The following CADM2 variants were observed in gnomAD, a reference collection of about 807,000 sequenced individuals.
CADM2 encodes cell adhesion molecule 2, also known as immunoglobulin superfamily member 4D.
CADM2 carries 12 observed loss-of-function variants against 49.8 expected under a neutral mutation model. That is an observed-to-expected ratio of 0.24 (90% CI 0.15 to 0.39). The LOEUF (loss-of-function observed/expected upper bound fraction) is 0.39, where lower values mean the gene tolerates loss of function less well. CADM2 is among the 10% of genes least tolerant of loss of function. CADM2 has a pLI of 1.00. For synonymous variants in CADM2, 214 were observed against 175.4 expected (o/e 1.22, Z -1.74); for missense variants, 378 against 492.3 (o/e 0.77, Z 2.20).
chr3:85,125,222 G>T (rs368451343), intron 1 of CADM2, among the ~76,000 whole-genome samples: 34 of 152,268 alleles, frequency 2.2e-4, no homozygotes, highest in African/African-American at 7.9e-4. Flanking sequence ...CATTTAGGAG[G>T]AGAACACGGT....
intron 1 of CADM2, among the ~76,000 whole-genome samples, chr3:85,563,411 T>TTTGGGGGG (rs1553742867): frequency 7.0e-6 from 1 of 142,044 alleles, no homozygotes; most frequent in Non-Finnish European, 1.6e-5. Context: ...TGTGTGTGTG[T>TTTGGGGGG]GGGGGGGTGG....
intron 1 of CADM2, among the ~76,000 whole-genome samples, chr3:85,317,691 T>C (rs535010392): frequency 7.9e-5 from 12 of 152,310 alleles, no homozygotes; most frequent in African/African-American, 2.9e-4. Flanking sequence ...TATCCATTCA[T>C]GAGGGCAGAG....
At chr3:85,967,680 G>A (rs1036698121) in intron 8 of CADM2, among the ~76,000 whole-genome samples, 5 of 151,570 alleles carry the variant, frequency 3.3e-5, no homozygotes, top group South Asian at 2.1e-4. Context: ...TAGCTAGGCC[G>A]GAAGATTGCC....
intron 2 of CADM2, chr3:85,800,965 G>T (rs2071989423): frequency 6.6e-6 from 1 of 152,100 alleles, no homozygotes; most frequent in African/African-American, 2.4e-5. Context: ...AAGAAGAAAA[G>T]GAAATATATT....
chr3:85,943,058 T>G (rs1443019975), intron 7 of CADM2, among the ~76,000 whole-genome samples: 2 of 152,136 alleles, frequency 1.3e-5, no homozygotes, highest in Non-Finnish European at 2.9e-5. Flanking sequence ...CTCATTGTAG[T>G]TTTGATTTGC....
chr3:85,030,803 C>T (rs1038232791), intron 1 of CADM2, among the ~76,000 whole-genome samples: 8 of 152,146 alleles, frequency 5.3e-5, no homozygotes, highest in Non-Finnish European at 4.4e-5. Context: ...TTTTCTGAAA[C>T]TCTTTCCGTC....
chr3:86,064,055 A>G (rs1739021889), intron 8 of CADM2, among the ~76,000 whole-genome samples: 1 of 149,850 alleles, frequency 6.7e-6, no homozygotes, highest in South Asian at 2.1e-4. Flanking sequence ...TAATATATAT[A>G]TATACATTTT....
chr3:85,267,308 C>T (rs72917199), intron 1 of CADM2, among the ~76,000 whole-genome samples: 1,708 of 151,542 alleles, frequency 0.011, 30 homozygotes, highest in African/African-American at 0.039. Context: ...TAAGGATCTG[C>T]CTTCACCTCC....
chr3:85,112,345 G>T (rs1226376319), intron 1 of CADM2, among the ~76,000 whole-genome samples: 1 of 146,954 alleles, frequency 6.8e-6, no homozygotes, highest in Non-Finnish European at 1.5e-5. Context: ...GAAAATTCTG[G>T]AGAAACTGTC....
At chr3:85,557,452 CCTTT>C (rs1371260629) in intron 1 of CADM2, among the ~76,000 whole-genome samples, 1 of 149,062 alleles carries the variant, frequency 6.7e-6, no homozygotes, top group Non-Finnish European at 1.5e-5. Context: ...TGATTTTCTT[CCTTT>C]AAGTCTTTTT....
At chr3:85,897,505 A>G (rs1715411899) in intron 5 of CADM2, among the ~76,000 whole-genome samples, 1 of 150,744 alleles carries the variant, frequency 6.6e-6, no homozygotes, top group African/African-American at 2.4e-5. Context: ...TCCTGACCTC[A>G]TGATCCACCC....
At chr3:86,004,626 T>C (rs1174484716) in intron 8 of CADM2, among the ~76,000 whole-genome samples, 1 of 152,222 alleles carries the variant, frequency 6.6e-6, no homozygotes, top group Admixed American at 6.5e-5. Context: ...AGGTTGGATC[T>C]AGTCCAATGC....
intron 8 of CADM2, among the ~76,000 whole-genome samples, chr3:86,025,403 G>T (rs1733771896): frequency 6.6e-6 from 1 of 151,644 alleles, no homozygotes; most frequent in Non-Finnish European, 1.5e-5. Context: ...TTGTTATAAG[G>T]CTATGAACAA....
intron 7 of CADM2, among the ~76,000 whole-genome samples, chr3:85,948,221 T>TAATC (rs1355150951): frequency 6.6e-6 from 1 of 151,550 alleles, no homozygotes; most frequent in Non-Finnish European, 1.5e-5. Flanking sequence ...GAAAAATGAA[T>TAATC]AATCACTCAA....
At chr3:85,458,241 T>A (rs2038082876) in intron 1 of CADM2, among the ~76,000 whole-genome samples, 1 of 152,180 alleles carries the variant, frequency 6.6e-6, no homozygotes, top group Admixed American at 6.5e-5. Context: ...GATTTCATGT[T>A]TTGTATTCAT....
chr3:85,996,015 A>G (rs751729054), intron 8 of CADM2, among the ~76,000 whole-genome samples: 45 of 151,602 alleles, frequency 3.0e-4, no homozygotes, highest in Admixed American at 1.9e-3. Context: ...GCGTGAACCC[A>G]GGAGGCAGAG....
At chr3:85,187,625 C>A (rs1167629987) in intron 1 of CADM2, among the ~76,000 whole-genome samples, 19 of 151,996 alleles carry the variant, frequency 1.3e-4, no homozygotes, top group Admixed American at 1.0e-3. Context: ...ATTGGCAATT[C>A]TATAAAGAGA....
intron 1 of CADM2, among the ~76,000 whole-genome samples, chr3:85,020,602 A>C (rs1308241830): frequency 6.6e-6 from 1 of 152,234 alleles, no homozygotes; most frequent in East Asian, 1.9e-4. Flanking sequence ...GATAAAGCAA[A>C]ACATCCTTTA....
chr3:85,900,594 T>C lies in CADM2; in HGVS notation c.530-11779T>C, dbSNP rs538119044. Among the ~76,000 whole-genome samples the C allele has an allele frequency of 3.8e-4, 58 of 152,310 alleles. No homozygotes were observed. In the Middle Eastern group the frequency reaches 0.014, roughly 36 times the overall value. ...AGGAATTGACCAAAGAAATTGCTTC[T>C]TTTTAAACTTGTGATTAATTAATGT... On this transcript the variant is annotated intron_variant, in intron 5 of 9. Transcript: ENST00000383699.
Sources: gnomAD v4.1 joint callset for allele counts (sites outside exome capture counted in the v4.1 genomes callset) on GRCh38, gnomAD v4.1.1 for gene constraint, MANE v1.5 for transcripts, NCBI Gene and HGNC (gene_info 2026-07-23, HGNC 2026-07-21) for gene names.